LONP1: variants seen among roughly 807,000 people sequenced by gnomAD.
LONP1 encodes the protein lon peptidase 1, mitochondrial.
LONP1 carries 31 observed loss-of-function variants against 98.5 expected under a neutral mutation model. That is an observed-to-expected ratio of 0.31 (90% confidence interval 0.24 to 0.42). The LOEUF (loss-of-function observed/expected upper bound fraction) is 0.42, where lower values mean the gene tolerates loss of function less well. Ranked by LOEUF, LONP1 falls within the 20% of genes least tolerant of loss-of-function variation. The pLI, the probability that LONP1 is intolerant of heterozygous loss-of-function variation, is 1.00. For synonymous variants in LONP1, 781 were observed against 594.7 expected (o/e 1.31, Z -4.56); for missense variants, 1,336 against 1,350.6 (o/e 0.99, Z 0.17).
intron 7 of LONP1, 137 bp from the exon 8 acceptor site, chr19:5,706,129 G>A: frequency 1.6e-6 from 1 of 632,596 alleles, no homozygotes; most frequent in South Asian, 1.9e-5. Context: ...CGAAGCCTTT[G>A]GTTCCTTCCA....
chr19:5,717,891 CTTTTT>C (rs532198283), intron 1 of LONP1, among the ~76,000 whole-genome samples: 4 of 133,260 alleles, frequency 3.0e-5, no homozygotes, highest in African/African-American at 8.4e-5. Context: ...TTCTTTCTTT[CTTTTT>C]TTTTTTTTTT....
rs1363595337 is a variant in LONP1, at chr19:5,711,054, G to A, written c.870+717C>T. ...AAAAAGAAAGAAAAAAAAAAACCTC[G>A]CAGGGGTAGTGGGGCAGGATAGAAG... On this transcript the variant is annotated intron_variant, in intron 4 of 17. Coordinates refer to ENST00000360614, the MANE Select transcript of LONP1 (RefSeq NM_004793.4). Among the ~76,000 whole-genome samples, 10 of 151,560 alleles carry A rather than the reference G, an allele frequency of 6.6e-5. No individual in the cohort carries two copies. In the East Asian group the frequency reaches 9.7e-4, roughly 15 times the overall value.
At chr19:5,696,840 G>C in intron 10 of LONP1, 83 bp from the exon 11 acceptor site, 1 of 874,218 alleles carries the variant, frequency 1.1e-6, no homozygotes, top group Non-Finnish European at 1.8e-6. Context: ...GGGCCACAGG[G>C]GAGAGGCCAC....
intron 4 of LONP1, among the ~76,000 whole-genome samples, chr19:5,709,353 TAGCC>T (rs2055199927): frequency 6.7e-6 from 1 of 149,844 alleles, no homozygotes; most frequent in Non-Finnish European, 1.5e-5. Context: ...AAAAAAAAAT[TAGCC>T]AGGTACTTTG....
chr19:5,705,520 T>C (rs1275537252), intron 8 of LONP1, among the ~76,000 whole-genome samples: 1 of 150,120 alleles, frequency 6.7e-6, no homozygotes, highest in Non-Finnish European at 1.5e-5. Flanking sequence ...CTCAAATCCG[T>C]GGCACCACCT....
intron 9 of LONP1, among the ~76,000 whole-genome samples, chr19:5,700,261 G>A (rs1320478772): frequency 1.3e-5 from 2 of 152,092 alleles, no homozygotes; most frequent in African/African-American, 2.4e-5. Context: ...TTACAGGCAT[G>A]CGCCACCACG....
At chr19:5,703,908 A>G (rs2055101488) in intron 8 of LONP1, among the ~76,000 whole-genome samples, 1 of 152,184 alleles carries the variant, frequency 6.6e-6, no homozygotes, top group Non-Finnish European at 1.5e-5. Flanking sequence ...GCCCGGTCTG[A>G]GCAGGTACTT....
chr19:5,705,137 G>A (rs1047670480), intron 8 of LONP1, among the ~76,000 whole-genome samples: 1 of 150,896 alleles, frequency 6.6e-6, no homozygotes, highest in Non-Finnish European at 1.5e-5. Context: ...ACTCCAGCCT[G>A]GACAACAGAG....
chr19:5,716,253 AATATACATATATATATATATATATATAT>A (rs1439265456), intron 1 of LONP1, among the ~76,000 whole-genome samples: 3 of 71,720 alleles, frequency 4.2e-5, no homozygotes, highest in South Asian at 5.7e-4. Context: ...ATAAAGTTAA[AATATACATATATATATATATATATATAT>A]ATATATATAT....
Position 5,692,134 on chromosome 19 carries a change from G to A in LONP1, c.2778C>T (p.Phe926=), listed in dbSNP as rs1181601718. 1.9e-6 allele frequency: 3 copies of A among 1,614,044 alleles called. No individual in the cohort carries two copies. The highest frequency in any genetic ancestry group is 2.7e-5 in the African/African-American group (2 of 74,938). The change falls in exon 18 of 18, where the codon TTC becomes TTT. Residue 926 remains phenylalanine (F), a synonymous_variant. Transcript: ENST00000360614. ...NKKDFYDLAA[F]ITEGLEVHFV... ...AGTGCACCTCCAGGCCCTCGGTGATGAAGGCTGCCAGGTCGTAGAAGTCCT... is the reference window on the plus strand; with the variant it reads ...AGTGCACCTCCAGGCCCTCGGTGATAAAGGCTGCCAGGTCGTAGAAGTCCT...
chr19:5,703,590 G>A (rs1402030336), intron 8 of LONP1, among the ~76,000 whole-genome samples: 1 of 151,810 alleles, frequency 6.6e-6, no homozygotes, highest in East Asian at 1.9e-4. Flanking sequence ...GCGGCCCCAC[G>A]AGCAGACACC....
intron 10 of LONP1, among the ~76,000 whole-genome samples, chr19:5,697,185 C>A (rs72979052): frequency 6.6e-6 from 1 of 151,992 alleles, no homozygotes; most frequent in Non-Finnish European, 1.5e-5. Context: ...CACAGGGGCC[C>A]GGCCCGCGAC....
intron 1 of LONP1, among the ~76,000 whole-genome samples, chr19:5,716,152 G>A (rs1026675111): frequency 5.3e-5 from 8 of 150,462 alleles, no homozygotes; most frequent in Admixed American, 2.7e-4. Flanking sequence ...TGGGAGGATC[G>A]CTTGAGCCCA....
chr19:5,703,432 C>T (rs1289341128), intron 8 of LONP1, among the ~76,000 whole-genome samples: 1 of 151,930 alleles, frequency 6.6e-6, no homozygotes, highest in African/African-American at 2.4e-5. Context: ...GTTGGGAGGG[C>T]AACTCCATAT....
intron 1 of LONP1, among the ~76,000 whole-genome samples, chr19:5,717,887 CTTTCT>C (rs1207804829): frequency 2.2e-5 from 3 of 135,334 alleles, no homozygotes; most frequent in South Asian, 4.7e-4. Context: ...GCTTTTCTTT[CTTTCT>C]TTTTTTTTTT....
At position 5,720,023 on chromosome 19, in the gene LONP1, G is replaced by A; in HGVS notation, c.110C>T (p.Ala37Val). Residue 37 changes from alanine (A) to valine (V), a missense_variant, in exon 1 of 18, where the codon GCG (alanine) becomes GTG (valine). Physicochemically the swap from Ala to Val is moderately conservative, Grantham distance 64 (BLOSUM62 0). Around this residue, in one of 5 missense-constraint regions of LONP1, gnomAD observed 457 missense variants for 403.1 expected, o/e 1.13. Transcript: ENST00000360614. Reference sequence around the variant, plus strand: ...GGTCCGCTGGCCTCGGAGCAACCACGCTCCTGCTGCAGTGGGAACCCGCCC... The same window carrying A: ...GGTCCGCTGGCCTCGGAGCAACCACACTCCTGCTGCAGTGGGAACCCGCCC... The part of the protein sequence containing the change: ...AGGRVPTAAG[A>V]WLLRGQRTCD... The A allele has an allele frequency of 6.4e-7, 1 of 1,565,096 alleles. No individual in the cohort carries two copies. Among genetic ancestry groups the A allele is most frequent in the Non-Finnish European group, 8.6e-7 (1 of 1,158,660 alleles).
At chr19:5,696,573 C>T (rs1394963442) in intron 11 of LONP1, 97 bp downstream of exon 11, 1 of 1,376,070 alleles carries the variant, frequency 7.3e-7, no homozygotes, top group Non-Finnish European at 1.0e-6. Context: ...GCGATGGCCC[C>T]TGAGTTGGCT....
chr19:5,708,671 A>G (rs936207596), intron 4 of LONP1: 7 of 406,516 alleles, frequency 1.7e-5, no homozygotes, highest in Non-Finnish European at 2.7e-5. Flanking sequence ...AGGATAAGCT[A>G]TCTCAGGGGA....
intron 1 of LONP1, among the ~76,000 whole-genome samples, chr19:5,718,307 G>A (rs2055355130): frequency 1.3e-5 from 2 of 152,082 alleles, no homozygotes; most frequent in South Asian, 4.1e-4. Flanking sequence ...GTGAAACCCT[G>A]TCTCTTCTAA....
Sources: gnomAD v4.1 joint callset for allele counts (sites outside exome capture counted in the v4.1 genomes callset) on GRCh38, gnomAD v4.1.1 for gene constraint, gnomAD v4.1.1 regional missense constraint, MANE v1.5 for transcripts, NCBI Gene and HGNC (gene_info 2026-07-23, HGNC 2026-07-21) for gene names.